Variants in FAM107A observed in about 807,000 individuals in gnomAD.
FAM107A encodes actin-associated protein FAM107A.
Under a neutral mutation model 13.7 loss-of-function variants are expected in FAM107A, and 19 were observed. The ratio of observed to expected loss-of-function variants is 1.38; its 90% CI spans 0.97 to 2.03. The LOEUF is 2.03. FAM107A is among the 30% of genes most tolerant of loss of function. The pLI is 0.00. For synonymous variants in FAM107A, 82 were observed against 74.5 expected (o/e 1.10, Z -0.52); for missense variants, 203 against 184.4 (o/e 1.10, Z -0.58).
intron 1 of FAM107A, among the ~76,000 whole-genome samples, chr3:58,601,425 C>T (rs546638685): frequency 6.6e-6 from 1 of 152,342 alleles, no homozygotes; most frequent in South Asian, 2.1e-4. Context: ...CTTGCTTTGT[C>T]ACTCTATGGC....
intron 1 of FAM107A, among the ~76,000 whole-genome samples, chr3:58,621,475 CA>C (rs1559488821): frequency 3.9e-5 from 6 of 152,158 alleles, no homozygotes; most frequent in African/African-American, 1.4e-4. Context: ...TTGCTATGGA[CA>C]AAGTGACAAG....
chr3:58,612,424 A>G (rs755036139), intron 1 of FAM107A, among the ~76,000 whole-genome samples: 1 of 152,150 alleles, frequency 6.6e-6, no homozygotes, highest in Non-Finnish European at 1.5e-5. Context: ...TACAAAATAT[A>G]GAAAAATTAG....
chr3:58,583,755 A>G (rs1427872375), intron 1 of FAM107A, among the ~76,000 whole-genome samples: 1 of 151,732 alleles, frequency 6.6e-6, no homozygotes, highest in Admixed American at 6.6e-5. Flanking sequence ...AACACAGCTC[A>G]TGGCAGCCTC....
At chr3:58,588,699 C>A (rs1049956921), upstream of FAM107A, among the ~76,000 whole-genome samples, 14 of 152,180 alleles carry the variant, frequency 9.2e-5, no homozygotes, top group African/African-American at 3.4e-4. Context: ...TTTGATCAAG[C>A]TATGGTTCTT....
chr3:58,607,803 G>C (rs377144956), intron 1 of FAM107A: 15 of 152,342 alleles, frequency 9.8e-5, no homozygotes, highest in African/African-American at 3.1e-4. Flanking sequence ...GGGGCCTTCT[G>C]TTCTACAACT....
chr3:58,589,177 AC>A, upstream of FAM107A: 1 of 1,455,658 alleles, frequency 6.9e-7, no homozygotes, highest in Non-Finnish European at 9.3e-7. Context: ...CTCTGGCCGC[AC>A]CCAGGAATTC....
At chr3:58,618,393 T>A (rs1463159118) in intron 1 of FAM107A, among the ~76,000 whole-genome samples, 2 of 152,234 alleles carry the variant, frequency 1.3e-5, no homozygotes, top group Non-Finnish European at 2.9e-5. Context: ...GAAGAATGAC[T>A]GTTGCTGCCC....
Position 58,569,049 on chromosome 3 carries a change from G to A in FAM107A, c.170+642C>T, listed in dbSNP as rs938988021. 6.6e-6 allele frequency among the ~76,000 whole-genome samples: 1 copy of A among 152,144 alleles called. No homozygotes were observed. Among genetic ancestry groups the A allele is most frequent in the South Asian group, 2.1e-4 (1 of 4,830 alleles). On this transcript the variant is annotated intron_variant, in intron 2 of 3. Transcript: ENST00000360997. This position sits in a 1 kb window ranked among gnomAD's most constrained non-coding sequence, Gnocchi z 5.7. ...TCACCAGACGGGCCCACCACACCTT[G>A]TGCCCCTGCTGTAGACCTTTCCTTA...
rs368199171 is a variant in FAM107A, at chr3:58,567,314, C to A, written c.221G>T (p.Arg74Leu). 3 of 1,612,658 alleles carry A rather than the reference C, an allele frequency of 1.9e-6. No homozygotes were observed. Among genetic ancestry groups the A allele is most frequent in the Non-Finnish European group, 2.5e-6 (3 of 1,179,596 alleles). ...KPELQRVLEHRRRNQLIKKKK... is the reference protein window; with the variant it reads ...KPELQRVLEHLRRNQLIKKKK... Reference sequence around the variant, plus strand: ...CTTCTTGATGAGCTGGTTCCGCCGGCGGTGCTCTAGGACACGCTGCAGCTC... The same window carrying A: ...CTTCTTGATGAGCTGGTTCCGCCGGAGGTGCTCTAGGACACGCTGCAGCTC... The change falls in exon 3 of 4, where the codon CGC (arginine) becomes CTC (leucine). Residue 74 changes from arginine (R) to leucine (L), a missense_variant. By Grantham distance (102) the Arg-to-Leu change is moderately radical (BLOSUM62 -2). Transcript: ENST00000360997.
At chr3:58,589,783 T>G (rs963697705), upstream of FAM107A, among the ~76,000 whole-genome samples, 3 of 152,252 alleles carry the variant, frequency 2.0e-5, no homozygotes, top group Non-Finnish European at 4.4e-5. Flanking sequence ...CATTCAGTCA[T>G]CATGTCCCCT....
intron 1 of FAM107A, among the ~76,000 whole-genome samples, chr3:58,601,707 G>A (rs1447218074): frequency 6.6e-6 from 1 of 152,154 alleles, no homozygotes; most frequent in Non-Finnish European, 1.5e-5. Flanking sequence ...CCACTGTGCT[G>A]GATCTTGGTA....
intron 1 of FAM107A, among the ~76,000 whole-genome samples, chr3:58,599,674 G>A (rs2065735738): frequency 7.9e-6 from 1 of 126,552 alleles, no homozygotes; most frequent in African/African-American, 2.9e-5. Context: ...GTGTTAAGTG[G>A]TATACTTAAA....
intron 1 of FAM107A, among the ~76,000 whole-genome samples, chr3:58,607,415 G>T (rs1057186601): frequency 2.6e-5 from 4 of 152,126 alleles, no homozygotes; most frequent in African/African-American, 9.7e-5. Flanking sequence ...CAGACCCCTA[G>T]GTGGCCTCCA....
intron 3 of FAM107A, 40 bp from the exon 4 acceptor site, chr3:58,566,735 A>C (rs757662400): frequency 6.7e-7 from 1 of 1,500,938 alleles, no homozygotes; most frequent in Non-Finnish European, 9.3e-7. Context: ...GGGTGGAGCT[A>C]GGGGGATTCC....
intron 1 of FAM107A, among the ~76,000 whole-genome samples, chr3:58,618,025 T>C (rs1028055993): frequency 2.6e-5 from 4 of 152,162 alleles, no homozygotes; most frequent in Admixed American, 2.6e-4. Flanking sequence ...TTTGGTGAAA[T>C]GGGGACATCG....
chr3:58,566,788 T>A, intron 3 of FAM107A, 93 bp from the exon 4 acceptor site: 1 of 1,018,616 alleles, frequency 9.8e-7, no homozygotes. Flanking sequence ...GCCCACTCAG[T>A]GGGGAAACAG....
chr3:58,604,177 C>T lies in FAM107A; in HGVS notation c.-69-14908G>A, dbSNP rs183397356. On this transcript the variant is annotated intron_variant, in intron 1 of 3. Transcript: ENST00000465970. The surrounding 1 kb of genome is among the most constrained non-coding windows in gnomAD (Gnocchi z 4.1). Reference sequence around the variant, plus strand: ...TAAAGGTCCCTGAAGATTGTACTCTCGGTGGAGCTGGTTGCTAGGAGACAT... The same window carrying T: ...TAAAGGTCCCTGAAGATTGTACTCTTGGTGGAGCTGGTTGCTAGGAGACAT... Among the ~76,000 whole-genome samples, 17 of 152,146 alleles carry T rather than the reference C, an allele frequency of 1.1e-4. No individual in the cohort carries two copies. The highest frequency in any genetic ancestry group is 3.3e-4 in the Admixed American group (5 of 15,280).
intron 1 of FAM107A, among the ~76,000 whole-genome samples, chr3:58,620,988 G>A (rs889497214): frequency 6.6e-6 from 1 of 152,082 alleles, no homozygotes; most frequent in Non-Finnish European, 1.5e-5. Context: ...CTTCCCCAGG[G>A]GAGAAATGTC....
At chr3:58,578,102 T>C (rs1156858560), upstream of FAM107A, among the ~76,000 whole-genome samples, 1 of 152,132 alleles carries the variant, frequency 6.6e-6, no homozygotes, top group Non-Finnish European at 1.5e-5. Flanking sequence ...GGAGATGACA[T>C]GGATGAGATG....
Sources: allele counts gnomAD v4.1 joint callset (sites outside exome capture counted in the v4.1 genomes callset), GRCh38; gene constraint gnomAD v4.1.1; non-coding constraint Gnocchi (gnomAD v3.1); transcripts MANE v1.5; gene names NCBI Gene and HGNC (gene_info 2026-07-23, HGNC 2026-07-21).